Variants in RNF150 observed in about 807,000 individuals in gnomAD.
RNF150 encodes ring finger protein 150.
Under a neutral mutation model 39.3 loss-of-function variants are expected in RNF150, and 24 were observed. The observed-to-expected ratio is 0.61, with a 90% confidence interval of 0.44 to 0.86. RNF150 has a LOEUF of 0.86. Among genes scored for constraint, RNF150 ranks in the 40% least tolerant of loss-of-function variants. The pLI is 0.00. For missense variants in RNF150, 502 were observed against 587.8 expected, an observed-to-expected ratio of 0.85 and a Z score of 1.51; for synonymous variants, 255 against 227.3, an observed-to-expected ratio of 1.12 and a Z score of -1.10.
chr4:141,117,469 G>T (rs895579036), intron 1 of RNF150, among the ~76,000 whole-genome samples: 1 of 151,996 alleles, frequency 6.6e-6, no homozygotes, highest in Non-Finnish European at 1.5e-5. Context: ...AAAAGAAATA[G>T]GCTATAACCT....
chr4:141,094,653 C>T (rs1428575237), intron 1 of RNF150, among the ~76,000 whole-genome samples: 1 of 152,220 alleles, frequency 6.6e-6, no homozygotes, highest in Non-Finnish European at 1.5e-5. Flanking sequence ...GCCCACATGG[C>T]CGTAGTTTGC....
intron 1 of RNF150, among the ~76,000 whole-genome samples, chr4:141,117,936 C>T (rs554731281): frequency 2.6e-5 from 4 of 152,162 alleles, no homozygotes; most frequent in African/African-American, 9.6e-5. Context: ...TTGGCTTATT[C>T]AAAAAATGAA....
At chr4:140,884,679 A>G (rs1729497328) in intron 6 of RNF150, among the ~76,000 whole-genome samples, 1 of 152,004 alleles carries the variant, frequency 6.6e-6, no homozygotes. Context: ...AGTCCTCTTC[A>G]TCACTTTTGT....
rs374509935 is a variant in RNF150 at position 140,999,985 on chromosome 4, A to AGAAG, written c.485-32113_485-32112insCTTC. Among the ~76,000 whole-genome samples, 56 of 38,956 alleles carry AGAAG rather than the reference A, an allele frequency of 1.4e-3. 2 individuals carry two copies. The highest frequency in any genetic ancestry group is 0.014 in the Middle Eastern group (1 of 74). 25.6% of individuals were successfully genotyped at this position (38,956 alleles called of 152,430 possible). ...GAAGAAGAAGAAGAAGAAAAGAAGA[A>AGAAG]AAGAAGAAAAGAAGAAGAAGAAGAA... On this transcript the variant is annotated intron_variant, in intron 1 of 6. Coordinates refer to ENST00000515673, the MANE Select transcript of RNF150 (RefSeq NM_020724.2).
chr4:140,863,840 T>G lies in RNF150; in HGVS notation c.*4421A>C, dbSNP rs1728591010. On this transcript the variant is annotated 3_prime_UTR_variant, in exon 7 of 7. Coordinates refer to ENST00000515673, the MANE Select transcript of RNF150 (RefSeq NM_020724.2). The stretch of plus-strand genomic sequence containing the variant: ...TTGAAAAGTTTTGATTTAAGGATTT[T>G]TTTTTAAGTCAGGGTGATACATTCA... The G allele has an allele frequency of 1.3e-5, 2 of 152,112 alleles. No individual in the cohort carries two copies. The highest frequency in any genetic ancestry group is 4.8e-5 in the African/African-American group (2 of 41,382). 9.4% of individuals were successfully genotyped at this position (152,112 alleles called of 1,614,324 possible). A position where few individuals can be genotyped will look rare whatever the true frequency, so the allele number is the denominator to read the frequency against.
At chr4:141,069,675 G>A (rs1192282416) in intron 1 of RNF150, among the ~76,000 whole-genome samples, 1 of 151,044 alleles carries the variant, frequency 6.6e-6, no homozygotes, top group African/African-American at 2.4e-5. Context: ...ATTCGGCTGT[G>A]AATCCATCTG....
intron 1 of RNF150, among the ~76,000 whole-genome samples, chr4:141,000,559 T>A (rs1307488944): frequency 6.6e-6 from 1 of 152,220 alleles, no homozygotes; most frequent in African/African-American, 2.4e-5. Context: ...TCCTTTGGAA[T>A]ATTAAAAGTA....
At chr4:141,194,513 A>C (rs1360682664) in intron 1 of RNF150, among the ~76,000 whole-genome samples, 1 of 152,146 alleles carries the variant, frequency 6.6e-6, no homozygotes, top group Non-Finnish European at 1.5e-5. Flanking sequence ...TTTTAGCATA[A>C]ATGGAGAATC....
chr4:140,899,944 T>TCTCTCTCTCTC (rs1730114654), intron 6 of RNF150, among the ~76,000 whole-genome samples: 5 of 110,122 alleles, frequency 4.5e-5, no homozygotes, highest in East Asian at 3.6e-4. Context: ...CTCTCTCACT[T>TCTCTCTCTCTC]TCTCTCTCTC....
intron 1 of RNF150, among the ~76,000 whole-genome samples, chr4:141,184,586 G>A (rs1727968480): frequency 6.6e-6 from 1 of 152,134 alleles, no homozygotes; most frequent in African/African-American, 2.4e-5. Context: ...CCATGCCTAT[G>A]TCCTGAATGG....
chr4:141,170,438 T>A (rs1482318291), intron 1 of RNF150, among the ~76,000 whole-genome samples: 1 of 152,214 alleles, frequency 6.6e-6, no homozygotes, highest in Non-Finnish European at 1.5e-5. Flanking sequence ...AATCCATTTT[T>A]TACACAACAG....
chr4:141,196,235 A>T (rs867291088), intron 1 of RNF150, among the ~76,000 whole-genome samples: 2 of 152,112 alleles, frequency 1.3e-5, no homozygotes, highest in South Asian at 4.1e-4. Context: ...TGTTAAAAAA[A>T]CCCTGATCCC....
At chr4:140,951,131 C>T (rs1176882139) in intron 2 of RNF150, among the ~76,000 whole-genome samples, 1 of 152,138 alleles carries the variant, frequency 6.6e-6, no homozygotes, top group Non-Finnish European at 1.5e-5. Flanking sequence ...CTAGATGTAT[C>T]CAACAAGATC....
At chr4:141,009,837 T>C (rs1261311617) in intron 1 of RNF150, among the ~76,000 whole-genome samples, 2 of 152,232 alleles carry the variant, frequency 1.3e-5, no homozygotes, top group Non-Finnish European at 2.9e-5. Context: ...TGTTGGTCTT[T>C]GCCTGCCCCT....
At chr4:140,955,143 T>C (rs1732701983) in intron 2 of RNF150, among the ~76,000 whole-genome samples, 1 of 152,222 alleles carries the variant, frequency 6.6e-6, no homozygotes, top group African/African-American at 2.4e-5. Context: ...TAATGATCCT[T>C]CCAGGACTGG....
intron 1 of RNF150, among the ~76,000 whole-genome samples, chr4:140,998,579 C>A (rs1473287969): frequency 6.6e-6 from 1 of 152,230 alleles, no homozygotes; most frequent in Non-Finnish European, 1.5e-5. Flanking sequence ...CCATCAAGGA[C>A]TCTTGTGGAG....
At chr4:141,084,685 C>T (rs549502391) in intron 1 of RNF150, among the ~76,000 whole-genome samples, 1 of 152,104 alleles carries the variant, frequency 6.6e-6, no homozygotes, top group Non-Finnish European at 1.5e-5. Context: ...TAGGAATAAG[C>T]CTGGAGAACA....
chr4:141,080,269 T>A (rs1738098750), intron 1 of RNF150, among the ~76,000 whole-genome samples: 1 of 152,174 alleles, frequency 6.6e-6, no homozygotes, highest in Admixed American at 6.5e-5. Flanking sequence ...AATTCATCTA[T>A]TCTCCTTTTC....
chr4:141,127,452 A>T (rs1405087618), intron 1 of RNF150, among the ~76,000 whole-genome samples: 1 of 152,216 alleles, frequency 6.6e-6, no homozygotes, highest in African/African-American at 2.4e-5. Flanking sequence ...AGAAAACTTT[A>T]TTAAATTAAA....
Sources: gnomAD v4.1 joint callset for allele counts (sites outside exome capture counted in the v4.1 genomes callset) on GRCh38, gnomAD v4.1.1 for gene constraint, MANE v1.5 for transcripts, NCBI Gene and HGNC (gene_info 2026-07-23, HGNC 2026-07-21) for gene names.